Variants in TES observed in about 807,000 individuals in gnomAD.
TES encodes the protein testin.
TES carries 41 observed loss-of-function variants against 48.2 expected under a neutral mutation model. That is an observed-to-expected ratio of 0.85 (90% CI 0.66 to 1.10). The LOEUF (loss-of-function observed/expected upper bound fraction) is 1.10. TES is among the 50% of genes least tolerant of loss of function. The pLI, the probability that TES is intolerant of heterozygous loss-of-function variation, is 0.00. For missense variants in TES, 463 were observed against 515.1 expected (o/e 0.90, Z 0.98); for synonymous variants, 162 against 174.9 (o/e 0.93, Z 0.58).
chr7:116,224,406 C>G (rs1799595704), intron 1 of TES, among the ~76,000 whole-genome samples: 1 of 152,142 alleles, frequency 6.6e-6, no homozygotes, highest in Non-Finnish European at 1.5e-5. Flanking sequence ...CTTCATTGCC[C>G]TGAGTACTGC....
intron 1 of TES, among the ~76,000 whole-genome samples, chr7:116,227,566 C>T (rs746561753): frequency 3.3e-5 from 5 of 152,120 alleles, no homozygotes; most frequent in Non-Finnish European, 7.3e-5. Context: ...CACTGGATTT[C>T]TAAGAGAGCC....
chr7:116,234,784 G>A (rs1407406174), intron 2 of TES, among the ~76,000 whole-genome samples, 165 bp downstream of exon 2: 3 of 152,144 alleles, frequency 2.0e-5, no homozygotes, highest in African/African-American at 4.8e-5. Flanking sequence ...CTGTCTTACT[G>A]TCATTAAGTT....
At chr7:116,223,799 C>G (rs1799585951) in intron 1 of TES, among the ~76,000 whole-genome samples, 1 of 152,142 alleles carries the variant, frequency 6.6e-6, no homozygotes, top group African/African-American at 2.4e-5. Flanking sequence ...ATAAGTACCC[C>G]ATATACCCCT....
At position 116,251,775 on chromosome 7, in the gene TES, A is replaced by G. The variant is rs775218306; in HGVS notation, c.718A>G (p.Lys240Glu). Reference sequence around the variant, plus strand: ...TCCCTTTCAGTCCTGCTATTGCTGCAAACTGAGTATGAAAGAAGGTGACCC... The same window carrying G: ...TCCCTTTCAGTCCTGCTATTGCTGCGAACTGAGTATGAAAGAAGGTGACCC... ...KRTQYSCYCC[K>E]LSMKEGDPAI... The change falls in exon 5 of 7, where the codon AAA (lysine) becomes GAA (glutamate). Residue 240 changes from lysine (K) to glutamate (E), a missense_variant. Lys to Glu is a moderately conservative substitution (Grantham distance 56). Transcript: ENST00000358204. 6.2e-7 allele frequency: 1 copy of G among 1,614,184 alleles called. No individual in the cohort carries two copies. Among genetic ancestry groups the G allele is most frequent in the South Asian group, 1.1e-5 (1 of 91,086 alleles).
intron 6 of TES, among the ~76,000 whole-genome samples, chr7:116,256,512 G>T (rs1800100597): frequency 6.6e-6 from 1 of 152,118 alleles, no homozygotes; most frequent in South Asian, 2.1e-4. Flanking sequence ...GTCCGAACTG[G>T]TTTTCTGTTT....
intron 6 of TES, among the ~76,000 whole-genome samples, chr7:116,256,440 A>G (rs1584632768): frequency 6.6e-6 from 1 of 152,234 alleles, no homozygotes; most frequent in Non-Finnish European, 1.5e-5. Context: ...AAACTTTAAG[A>G]CAGCCATATT....
At chr7:116,230,096 G>C (rs938525648) in intron 1 of TES, among the ~76,000 whole-genome samples, 1 of 152,156 alleles carries the variant, frequency 6.6e-6, no homozygotes, top group Non-Finnish European at 1.5e-5. Flanking sequence ...TTCTCTAGCT[G>C]CTAAAAGTGA....
intron 4 of TES, 68 bp from the exon 5 acceptor site, chr7:116,251,692 A>G (rs546173717): frequency 2.4e-4 from 345 of 1,408,456 alleles, no homozygotes; most frequent in South Asian, 3.0e-4. Flanking sequence ...CAAAAAAAAA[A>G]AAAGAAAGAA....
intron 1 of TES, among the ~76,000 whole-genome samples, chr7:116,228,724 G>A (rs1279518841): frequency 6.6e-6 from 1 of 152,008 alleles, no homozygotes; most frequent in Non-Finnish European, 1.5e-5. Context: ...TTTCTATTTA[G>A]TGATTAAACT....
At chr7:116,252,097 TA>T (rs1800023032) in intron 5 of TES, 122 bp downstream of exon 5, 1 of 1,101,130 alleles carries the variant, frequency 9.1e-7, no homozygotes, top group Admixed American at 2.6e-5. Context: ...AAAGAAGTTT[TA>T]AAAAATAAAC....
intron 6 of TES, among the ~76,000 whole-genome samples, chr7:116,253,884 A>G (rs745955113): frequency 1.3e-5 from 2 of 151,790 alleles, no homozygotes; most frequent in Non-Finnish European, 2.9e-5. Flanking sequence ...GTGTGTGAAT[A>G]TCATTCATCT....
intron 1 of TES, chr7:116,211,333 C>G (rs1360492463): frequency 1.3e-5 from 2 of 152,256 alleles, no homozygotes. Flanking sequence ...GTGCCTCCCT[C>G]TTAGGGAATT....
chr7:116,249,366 C>T (rs766795352), intron 3 of TES, 94 bp downstream of exon 3: 1 of 1,401,888 alleles, frequency 7.1e-7, no homozygotes, highest in Middle Eastern at 1.8e-4. Context: ...TTCACACATC[C>T]CAGATCTGTT....
chr7:116,243,325 T>C (rs1466115187), intron 2 of TES, among the ~76,000 whole-genome samples: 1 of 152,182 alleles, frequency 6.6e-6, no homozygotes, highest in Non-Finnish European at 1.5e-5. Flanking sequence ...GTCGTTGCCA[T>C]GTATATTGCT....
Position 116,249,253 on chromosome 7 carries a change from C to A in TES, c.347C>A (p.Pro116His), listed in dbSNP as rs774434607. 6.2e-7 allele frequency: 1 copy of A among 1,614,036 alleles called. No individual in the cohort carries two copies. Among genetic ancestry groups the A allele is most frequent in the Admixed American group, 1.7e-5 (1 of 60,026 alleles). The change falls in exon 3 of 7, where the codon CCT becomes CAT. Residue 116 changes from proline to histidine, a missense_variant. Transcript: ENST00000358204. ...INTVTYEWAP[P>H]VQNQALARQY... ...ACAGTTACCTATGAGTGGGCTCCTC[C>A]TGTCCAGAATCAAGCATTGGTAAAT...
chr7:116,210,589 T>G lies in TES; in HGVS notation c.-119T>G. ...TTCGACGGCGCCGGGCGAGTGGCTG[T>G]TGAGCGGCGCCGCGGGAGTTCCGCA... On this transcript the variant is annotated 5_prime_UTR_variant, in exon 1 of 7. Transcript: ENST00000358204. 6 of 1,122,414 alleles carry G rather than the reference T, an allele frequency of 5.3e-6. No individual in the cohort carries two copies. The highest frequency in any genetic ancestry group is 6.9e-6 in the Non-Finnish European group (6 of 872,622). 69.5% of individuals were successfully genotyped at this position (1,122,414 alleles called of 1,614,324 possible).
intron 1 of TES, among the ~76,000 whole-genome samples, chr7:116,214,969 C>T (rs11768865): frequency 0.16 from 24,439 of 152,142 alleles, 2,178 homozygotes; most frequent in East Asian, 0.43. Flanking sequence ...TCACTCTCCA[C>T]CTCTGGATTA....
At chr7:116,224,106 C>T (rs1563006291) in intron 1 of TES, among the ~76,000 whole-genome samples, 2 of 152,198 alleles carry the variant, frequency 1.3e-5, no homozygotes, top group Non-Finnish European at 2.9e-5. Flanking sequence ...GAACCAGCTA[C>T]CATGTCCTGA....
intron 2 of TES, 131 bp downstream of exon 2, chr7:116,234,750 A>G (rs1264526985): frequency 2.9e-6 from 2 of 687,032 alleles, no homozygotes; most frequent in Non-Finnish European, 5.0e-6. Flanking sequence ...TTTTCTGAGA[A>G]ATGAATACAA....
Sources: allele counts gnomAD v4.1 joint callset (sites outside exome capture counted in the v4.1 genomes callset), GRCh38; gene constraint gnomAD v4.1.1; transcripts MANE v1.5; gene names NCBI Gene and HGNC (gene_info 2026-07-23, HGNC 2026-07-21).